TESK2: variants seen among roughly 807,000 people sequenced by gnomAD.
TESK2 encodes testis associated actin remodelling kinase 2.
TESK2 carries 39 observed loss-of-function variants against 57.1 expected under a neutral mutation model. That is an observed-to-expected ratio of 0.68 (90% CI 0.53 to 0.89). The LOEUF (loss-of-function observed/expected upper bound fraction) is 0.89, where lower values mean the gene tolerates loss of function less well. Among genes scored for constraint, TESK2 ranks in the 40% least tolerant of loss-of-function variants. The pLI is 0.00. For missense variants in TESK2, 646 were observed against 732.1 expected, an observed-to-expected ratio of 0.88 and a Z score of 1.36; for synonymous variants, 249 against 267.9, an observed-to-expected ratio of 0.93 and a Z score of 0.69.
At chr1:45,445,622 A>C (rs939858243) in intron 2 of TESK2, among the ~76,000 whole-genome samples, 21 of 102,520 alleles carry the variant, frequency 2.0e-4, no homozygotes, top group Non-Finnish European at 2.6e-4. Flanking sequence ...CCCTGTCTCT[A>C]CCAAAAAAAA....
intron 4 of TESK2, among the ~76,000 whole-genome samples, chr1:45,382,799 G>A (rs1648716593): frequency 6.6e-6 from 1 of 152,100 alleles, no homozygotes; most frequent in Non-Finnish European, 1.5e-5. Flanking sequence ...GAATCTGGGA[G>A]GTGGATTGCA....
intron 3 of TESK2, among the ~76,000 whole-genome samples, chr1:45,387,186 A>G (rs1048011994): frequency 8.5e-5 from 13 of 152,178 alleles, no homozygotes. Context: ...AGCATGGTAT[A>G]ATGGAAAAAG....
At chr1:45,435,389 A>G (rs1391900371) in intron 2 of TESK2, among the ~76,000 whole-genome samples, 3 of 151,626 alleles carry the variant, frequency 2.0e-5, no homozygotes, top group Non-Finnish European at 2.9e-5. Flanking sequence ...TTGGCCTCCC[A>G]AAGTGCTGGG....
rs192997360 is a variant in TESK2 at position 45,432,099 on chromosome 1, G to A, written c.223-10253C>T. ...CATCTCTACAAAAAATACAAAAAAC[G>A]TTACCCAGGCATGGTGGTGCATGTC... is the stretch of plus-strand genomic sequence containing the variant. On this transcript the variant is annotated intron_variant, in intron 2 of 10. Transcript: ENST00000372086. Among the ~76,000 whole-genome samples the A allele has an allele frequency of 1.0e-3, 155 of 151,708 alleles. 1 individual carries two copies. Among genetic ancestry groups the A allele is most frequent in the Admixed American group, 3.9e-3 (59 of 15,236 alleles).
At chr1:45,352,367 A>G (rs184143366) in intron 5 of TESK2, among the ~76,000 whole-genome samples, 1 of 152,258 alleles carries the variant, frequency 6.6e-6, no homozygotes, top group Non-Finnish European at 1.5e-5. Flanking sequence ...CCCATTCCCC[A>G]TAAGGAAAAG....
chr1:45,385,348 C>G (rs1476493909), intron 4 of TESK2: 1 of 985,140 alleles, frequency 1.0e-6, no homozygotes, highest in Non-Finnish European at 1.2e-6. Flanking sequence ...TAATGACTAT[C>G]ACATATTCCG....
Position 45,365,677 on chromosome 1 carries a change from C to CTT in TESK2, c.394-10230_394-10229dup, listed in dbSNP as rs34671575. Among the ~76,000 whole-genome samples, 152 of 106,782 alleles carry CTT rather than the reference C, an allele frequency of 1.4e-3. 9 individuals are homozygous for CTT. The highest frequency in any genetic ancestry group is 5.4e-3 in the African/African-American group (136 of 25,178). 70.1% of individuals were successfully genotyped at this position (106,782 alleles called of 152,430 possible). On this transcript the variant is annotated intron_variant, in intron 4 of 10. Transcript: ENST00000372086. Reference sequence around the variant, plus strand: ...TACAGGCGTGCACCACCACGCCCGGCTTTTTTTTTTTTTTTTTTTGAGACA... The same window carrying CTT: ...TACAGGCGTGCACCACCACGCCCGGCTTTTTTTTTTTTTTTTTTTTTGAGACA...
chr1:45,421,622 A>G lies in TESK2; in HGVS notation c.344+103T>C, dbSNP rs190682176. 10 of 1,491,184 alleles carry G rather than the reference A, an allele frequency of 6.7e-6. No homozygotes were observed. In the African/African-American group the frequency reaches 6.9e-5, roughly 10 times the overall value. 92.4% of individuals were successfully genotyped at this position (1,491,184 alleles called of 1,614,324 possible). ...TAAACCCCAGCAAGATAGATTCAGC[A>G]TGATAAATCCTGAATCCCTCCTTTT... On this transcript the variant is annotated intron_variant, in intron 3 of 10. Coordinates refer to ENST00000372086, the MANE Select transcript of TESK2 (RefSeq NM_007170.3).
chr1:45,381,674 G>A (rs1359220734), intron 4 of TESK2, among the ~76,000 whole-genome samples: 1 of 151,938 alleles, frequency 6.6e-6, no homozygotes, highest in East Asian at 1.9e-4. Context: ...GGAAATGTAT[G>A]AGAAATAAAC....
chr1:45,490,759 G>C (rs1289014445), intron 1 of TESK2, 93 bp downstream of exon 1: 1 of 152,260 alleles, frequency 6.6e-6, no homozygotes, highest in East Asian at 1.9e-4. Flanking sequence ...GGACGCAGGC[G>C]CCTCTGCTCC....
chr1:45,451,602 C>T (rs16832540), intron 2 of TESK2, among the ~76,000 whole-genome samples: 2,596 of 152,178 alleles, frequency 0.017, 67 homozygotes, highest in African/African-American at 0.056. Context: ...GTCCTCAAAG[C>T]GCATGGACTG....
At chr1:45,438,268 G>A (rs1482894007) in intron 2 of TESK2, among the ~76,000 whole-genome samples, 2 of 152,194 alleles carry the variant, frequency 1.3e-5, no homozygotes, top group African/African-American at 2.4e-5. Context: ...GGCTGAGGCA[G>A]GTGGATCACC....
At chr1:45,374,530 CAG>C (rs1216627135) in intron 4 of TESK2, among the ~76,000 whole-genome samples, 1 of 152,090 alleles carries the variant, frequency 6.6e-6, no homozygotes, top group Non-Finnish European at 1.5e-5. Flanking sequence ...AAAAGCTTAG[CAG>C]ACCCTGGCAC....
At chr1:45,460,436 C>T (rs1652288077) in intron 1 of TESK2, among the ~76,000 whole-genome samples, 1 of 152,128 alleles carries the variant, frequency 6.6e-6, no homozygotes, top group Non-Finnish European at 1.5e-5. Flanking sequence ...AGGAGAATAG[C>T]TTGAACCTGG....
At chr1:45,390,768 ATTG>A (rs1416318357) in intron 3 of TESK2, among the ~76,000 whole-genome samples, 1 of 149,276 alleles carries the variant, frequency 6.7e-6, no homozygotes, top group Non-Finnish European at 1.5e-5. Context: ...TATTATTGTT[ATTG>A]TTATTATTAT....
intron 2 of TESK2, among the ~76,000 whole-genome samples, chr1:45,426,402 A>C (rs1000905800): frequency 1.1e-4 from 16 of 152,206 alleles, no homozygotes; most frequent in Non-Finnish European, 2.2e-4. Context: ...GTATAGTTAC[A>C]TGCAGAAGAA....
intron 4 of TESK2, among the ~76,000 whole-genome samples, chr1:45,375,377 C>A (rs903212792): frequency 3.3e-5 from 5 of 151,778 alleles, no homozygotes; most frequent in Non-Finnish European, 7.4e-5. Context: ...TATACTATTC[C>A]AACTACCTAG....
chr1:45,457,627 C>T lies in TESK2; in HGVS notation c.159G>A (p.Leu53=), dbSNP rs1026227921. The T allele has an allele frequency of 2.5e-6, 4 of 1,614,080 alleles. No individual in the cohort carries two copies. The highest frequency in any genetic ancestry group is 3.4e-6 in the Non-Finnish European group (4 of 1,180,012). ...CACAGGTGAAATCATCCAAACGCGT[C>T]AGTCTGGAAAAGGCACTTATAAGAG... is the stretch of plus-strand genomic sequence containing the variant. ...YRALISAFSR[L]TRLDDFTCEK... The change falls in exon 2 of 11, where the codon CTG becomes CTA. Residue 53 remains leucine, a synonymous_variant. Transcript: ENST00000372086.
At chr1:45,438,350 G>A (rs1409365454) in intron 2 of TESK2, among the ~76,000 whole-genome samples, 1 of 152,070 alleles carries the variant, frequency 6.6e-6, no homozygotes, top group East Asian at 1.9e-4. Flanking sequence ...ATAAAAACTA[G>A]CCAGGCATGG....
Sources: gnomAD v4.1 joint callset for allele counts (sites outside exome capture counted in the v4.1 genomes callset) on GRCh38, gnomAD v4.1.1 for gene constraint, MANE v1.5 for transcripts, NCBI Gene and HGNC (gene_info 2026-07-23, HGNC 2026-07-21) for gene names.